Variants in KCNQ1OT1 observed in about 807,000 individuals in gnomAD.
KCNQ1OT1 encodes KCNQ1 antisense RNA 2 (non-protein coding).
exon 1 of KCNQ1OT1, chr11:2,696,750 T>A (rs915351021): frequency 5.0e-6 from 2 of 398,596 alleles, no homozygotes; most frequent in Admixed American, 8.8e-5. Flanking sequence ...AGTTTTAAAA[T>A]TTTTTCCATA....
rs866396198 is a variant in KCNQ1OT1 at position 2,640,938 on chromosome 11, G to C, written n.59057C>G. The C allele has an allele frequency of 2.5e-5, 10 of 398,912 alleles. No homozygotes were observed. The Middle Eastern group carries it at 2.8e-3, about 111-fold the overall frequency. The allele number at this position is 398,912 out of a possible 1,614,324, so 24.7% of individuals were successfully genotyped here. On this transcript the variant is annotated non_coding_transcript_exon_variant, in exon 1 of 1. Transcript: ENST00000597346. ...AATAACATAAGATAATTATCTTTCT[G>C]TGCCTGGCTTAAAATAATGACCTCC...
At chr11:2,694,115 TG>T (rs1359355324) in exon 1 of KCNQ1OT1, 2 of 398,524 alleles carry the variant, frequency 5.0e-6, no homozygotes, top group African/African-American at 4.1e-5. Flanking sequence ...GTTGTGGGAC[TG>T]GAAGTGCTTG....
At chr11:2,685,184 C>A in exon 1 of KCNQ1OT1, 1 of 398,622 alleles carries the variant, frequency 2.5e-6, no homozygotes. Flanking sequence ...CATGGAATGC[C>A]CCCTTCGTGG....
exon 1 of KCNQ1OT1, chr11:2,644,001 C>A (rs1206181775): frequency 2.5e-6 from 1 of 398,428 alleles, no homozygotes; most frequent in Non-Finnish European, 4.4e-6. Context: ...TAAGTGTCTA[C>A]AACCTCTTTT....
chr11:2,621,097 A>G lies in KCNQ1OT1; in HGVS notation n.78898T>C, dbSNP rs1589986453. On this transcript the variant is annotated non_coding_transcript_exon_variant, in exon 1 of 1. Transcript: ENST00000597346. The surrounding 1 kb of genome is among the most constrained non-coding windows in gnomAD (Gnocchi z 5.7). ...GGTTCAAGCAATTCTCCTGTCTCAG[A>G]CTCCTGAGTAGCTGGGATTACAGGT... 1 of 394,326 alleles carries G rather than the reference A, an allele frequency of 2.5e-6. No homozygotes were observed. The highest frequency in any genetic ancestry group is 1.5e-4 in the South Asian group (1 of 6,876). The allele number at this position is 394,326 out of a possible 1,614,324, so 24.4% of individuals were successfully genotyped here.
chr11:2,628,579 C>T (rs527344082), exon 1 of KCNQ1OT1: 5 of 398,332 alleles, frequency 1.3e-5, no homozygotes, highest in East Asian at 7.1e-5. Flanking sequence ...TATTTTCTCC[C>T]GCTACATGTG....
exon 1 of KCNQ1OT1, chr11:2,643,156 T>C (rs1221908936): frequency 2.5e-6 from 1 of 398,204 alleles, no homozygotes; most frequent in East Asian, 3.6e-5. Context: ...TGAACTGGTC[T>C]GTAAATGTCT....
Position 2,612,290 on chromosome 11 carries a change from T to C in KCNQ1OT1, n.87705A>G. ...GAACTGAGCATGTGAGGGATCTAGGTTGTGCACTCCGTATGAGAATCTAAC... is the reference window on the plus strand; with the variant it reads ...GAACTGAGCATGTGAGGGATCTAGGCTGTGCACTCCGTATGAGAATCTAAC... On this transcript the variant is annotated non_coding_transcript_exon_variant, in exon 1 of 1. Transcript: ENST00000597346. The surrounding 1 kb of genome is among the most constrained non-coding windows in gnomAD (Gnocchi z 5.5). The C allele has an allele frequency of 2.5e-6, 1 of 398,584 alleles. No homozygotes were observed. 24.7% of individuals were successfully genotyped at this position (398,584 alleles called of 1,614,324 possible).
At chr11:2,655,136 A>G in exon 1 of KCNQ1OT1, 3 of 398,644 alleles carry the variant, frequency 7.5e-6, no homozygotes, top group South Asian at 1.3e-4. Flanking sequence ...ACTGACTAGA[A>G]AGGAGGATGC....
chr11:2,635,391 T>C (rs1223474047), exon 1 of KCNQ1OT1: 1 of 152,220 alleles, frequency 6.6e-6, no homozygotes, highest in African/African-American at 2.4e-5. Flanking sequence ...GTTTCAGCTT[T>C]CTACATATGG....
At chr11:2,619,599 T>G (rs2133801917) in exon 1 of KCNQ1OT1, 2 of 398,582 alleles carry the variant, frequency 5.0e-6, no homozygotes, top group East Asian at 7.1e-5. Context: ...GCATCGGTAT[T>G]CTTGGGTTAT....
At chr11:2,631,508 C>A in exon 1 of KCNQ1OT1, 1 of 398,314 alleles carries the variant, frequency 2.5e-6, no homozygotes, top group South Asian at 1.3e-4. Flanking sequence ...TCTCTGTTCT[C>A]TGGTAGCACA....
exon 1 of KCNQ1OT1, chr11:2,697,114 A>G (rs1216010264): frequency 1.0e-5 from 4 of 398,498 alleles, no homozygotes; most frequent in Admixed American, 8.8e-5. Flanking sequence ...TCACAAAGAT[A>G]AAGAGTTTTC....
At position 2,674,054 on chromosome 11, in the gene KCNQ1OT1, G is replaced by A; in HGVS notation, n.25941C>T. On this transcript the variant is annotated non_coding_transcript_exon_variant, in exon 1 of 1. Transcript: ENST00000597346. The surrounding 1 kb of genome is among the most constrained non-coding windows in gnomAD (Gnocchi z 5.9). ...GGGGTGCAGCCCCTCATTTGTACTT[G>A]CTGGCTGCCCCATGGGGGCTTGGGC... 1 of 398,576 alleles carries A rather than the reference G, an allele frequency of 2.5e-6. No homozygotes were observed. The highest frequency in any genetic ancestry group is 4.4e-6 in the Non-Finnish European group (1 of 226,062). The allele number at this position is 398,576 out of a possible 1,614,324, so 24.7% of individuals were successfully genotyped here.
rs1391400238 is a variant in KCNQ1OT1, at chr11:2,612,457, G to A, written n.87538C>T. ...TCATTATTTTTCTTTCTATTCTTCA[G>A]TCTGAATCATCTTTATGGATCTGCG... is the stretch of plus-strand genomic sequence containing the variant. On this transcript the variant is annotated non_coding_transcript_exon_variant, in exon 1 of 1. Transcript: ENST00000597346. The surrounding 1 kb of genome is among the most constrained non-coding windows in gnomAD (Gnocchi z 5.5). 7.5e-6 allele frequency: 3 copies of A among 398,508 alleles called. No homozygotes were observed. The highest frequency in any genetic ancestry group is 1.3e-5 in the Non-Finnish European group (3 of 226,050). The allele number at this position is 398,508 out of a possible 1,614,324, so 24.7% of individuals were successfully genotyped here.
chr11:2,647,571 A>C lies in KCNQ1OT1; in HGVS notation n.52424T>G, dbSNP rs968972048. ...AGTCTTTTGGAATTGTCTGAGAAGAATTCATGTTAGTTCTTTAAAGGTTTG... is the reference window on the plus strand; with the variant it reads ...AGTCTTTTGGAATTGTCTGAGAAGACTTCATGTTAGTTCTTTAAAGGTTTG... On this transcript the variant is annotated non_coding_transcript_exon_variant, in exon 1 of 1. Coordinates refer to ENST00000597346, the Ensembl canonical transcript of KCNQ1OT1. This position sits in a 1 kb window ranked among gnomAD's most constrained non-coding sequence, Gnocchi z 4.0. The C allele has an allele frequency of 2.3e-5, 9 of 398,454 alleles. No homozygotes were observed. The East Asian group carries it at 2.9e-4, about 13-fold the overall frequency. 24.7% of individuals were successfully genotyped at this position (398,454 alleles called of 1,614,324 possible).
chr11:2,610,691 T>C (rs1848965054), exon 1 of KCNQ1OT1: 1 of 397,376 alleles, frequency 2.5e-6, no homozygotes, highest in South Asian at 1.3e-4. Context: ...AAAGAAACTT[T>C]TCTGGACACA....
chr11:2,674,493 G>C lies in KCNQ1OT1; in HGVS notation n.25502C>G, dbSNP rs987804156. The C allele has an allele frequency of 7.5e-6, 3 of 398,568 alleles. No homozygotes were observed. Among genetic ancestry groups the C allele is most frequent in the African/African-American group, 2.1e-5 (1 of 48,634 alleles). The allele number at this position is 398,568 out of a possible 1,614,324, so 24.7% of individuals were successfully genotyped here. The stretch of plus-strand genomic sequence containing the variant: ...TGTCGAGATGTGTAAGATGGCCCCA[G>C]TGTTACTAGGCACTAGATGGCACTT... On this transcript the variant is annotated non_coding_transcript_exon_variant, in exon 1 of 1. Coordinates refer to ENST00000597346, the Ensembl canonical transcript of KCNQ1OT1. The surrounding 1 kb of genome is among the most constrained non-coding windows in gnomAD (Gnocchi z 5.9).
exon 1 of KCNQ1OT1, chr11:2,672,519 C>T (rs1027994702): frequency 2.5e-6 from 1 of 398,578 alleles, no homozygotes; most frequent in African/African-American, 2.1e-5. Flanking sequence ...GCTCCCAGGC[C>T]TCTCCATTAC....
Sources: allele counts gnomAD v4.1 joint callset, GRCh38; gene constraint gnomAD v4.1.1; non-coding constraint Gnocchi (gnomAD v3.1); transcripts MANE v1.5; gene names NCBI Gene and HGNC (gene_info 2026-07-23, HGNC 2026-07-21).